Variants in USP45 observed in about 807,000 individuals in gnomAD.
The protein encoded by USP45 is ubiquitin specific peptidase 45.
Under a neutral mutation model 95.8 loss-of-function variants are expected in USP45, and 89 were observed. The ratio of observed to expected loss-of-function variants is 0.93; its 90% CI spans 0.78 to 1.11. The LOEUF (loss-of-function observed/expected upper bound fraction) is 1.11. Ranked by LOEUF, USP45 falls within the 50% of genes least tolerant of loss-of-function variation. USP45 has a pLI of 0.00. For synonymous variants in USP45, 281 were observed against 316.2 expected (o/e 0.89, Z 1.18); for missense variants, 898 against 942.5 (o/e 0.95, Z 0.62).
At position 99,476,227 on chromosome 6, in the gene USP45, T is replaced by C; in HGVS notation, c.849A>G (p.Ala283=). ...GTTGCTGGAAATCTTTAAATCGAGG[T>C]GCCCTGTGATTTAAAAACAAAAGAG... ...KVLFNQLCQK[A]PRFKDFQQQD... Residue 283 remains alanine, a synonymous_variant, in exon 9 of 18, where the codon GCA becomes GCG. Transcript: ENST00000500704. The C allele has an allele frequency of 6.2e-7, 1 of 1,613,544 alleles. No homozygotes were observed. The highest frequency in any genetic ancestry group is 1.3e-5 in the African/African-American group (1 of 74,992).
At chr6:99,458,436 C>A (rs1449974083) in intron 13 of USP45, among the ~76,000 whole-genome samples, 2 of 152,248 alleles carry the variant, frequency 1.3e-5, no homozygotes, top group Non-Finnish European at 2.9e-5. Flanking sequence ...GAAGGACAGA[C>A]TCAGTTCCTG....
intron 1 of USP45, among the ~76,000 whole-genome samples, chr6:99,511,312 T>G (rs1583496875): frequency 6.7e-6 from 1 of 150,098 alleles, no homozygotes; most frequent in East Asian, 2.0e-4. Context: ...CCACCAGGCT[T>G]GGCTAATTTT....
intron 13 of USP45, chr6:99,460,741 A>G: frequency 1.0e-6 from 1 of 976,620 alleles, no homozygotes; most frequent in Non-Finnish European, 1.2e-6. Context: ...CCATGTAAAT[A>G]AGAGGACTAT....
At chr6:99,514,952 GA>G (rs1800820467) in intron 1 of USP45, 1 of 152,198 alleles carries the variant, frequency 6.6e-6, no homozygotes, top group African/African-American at 2.4e-5. Flanking sequence ...GTAAGCGGTG[GA>G]TGGAGATGCG....
chr6:99,445,311 C>T (rs188447522), intron 14 of USP45, among the ~76,000 whole-genome samples: 282 of 152,026 alleles, frequency 1.9e-3, no homozygotes, highest in African/African-American at 6.6e-3. Flanking sequence ...GGTGAAACCC[C>T]ATCTCTACTA....
intron 13 of USP45, among the ~76,000 whole-genome samples, chr6:99,457,468 T>C (rs1028825388): frequency 6.6e-6 from 1 of 152,204 alleles, no homozygotes; most frequent in Non-Finnish European, 1.5e-5. Context: ...AAAGAACCTA[T>C]GTGAATATTG....
In USP45 at chr6:99,466,731, T is replaced by TG; in HGVS notation, c.1047dup (p.Ile350HisfsTer8). The TG allele has an allele frequency of 6.2e-7, 1 of 1,613,554 alleles. No individual in the cohort carries two copies. Among genetic ancestry groups the TG allele is most frequent in the Non-Finnish European group, 8.5e-7 (1 of 1,179,724 alleles). ...AATTCACCAATAAAGATCCGATCTA[T>TG]GAAGTTCATTTTCACACCTTCTTTT... On this transcript the variant is annotated frameshift_variant, in exon 11 of 18. Transcript: ENST00000500704. LOFTEE classifies it high-confidence loss of function.
chr6:99,451,296 A>G (rs1368434874), intron 13 of USP45, among the ~76,000 whole-genome samples: 5 of 152,138 alleles, frequency 3.3e-5, no homozygotes, highest in Non-Finnish European at 7.4e-5. Flanking sequence ...CATCATCTCA[A>G]CCCAAAATCT....
chr6:99,432,807 T>G lies in USP45; in HGVS notation c.*2909A>C, dbSNP rs1287097696. 6.6e-6 allele frequency: 1 copy of G among 152,650 alleles called. No homozygotes were observed. Among genetic ancestry groups the G allele is most frequent in the East Asian group, 1.9e-4 (1 of 5,202 alleles). 9.5% of individuals were successfully genotyped at this position (152,650 alleles called of 1,614,324 possible). A position where few individuals can be genotyped will look rare whatever the true frequency, so the allele number is the denominator to read the frequency against. ...GGATGTCATTTTGTACTACAAAAAT[T>G]AGATGAGGGTTGATACATTTCACAG... On this transcript the variant is annotated 3_prime_UTR_variant, in exon 18 of 18. Coordinates refer to ENST00000500704, the MANE Select transcript of USP45 (RefSeq NM_001346022.3).
At chr6:99,508,502 T>C in intron 3 of USP45, 108 bp downstream of exon 3, 1 of 1,113,524 alleles carries the variant, frequency 9.0e-7, no homozygotes, top group Non-Finnish European at 1.2e-6. Context: ...CTATCTAAAT[T>C]GGAATAAATT....
intron 5 of USP45, among the ~76,000 whole-genome samples, chr6:99,501,220 G>C (rs1306932696): frequency 7.0e-6 from 1 of 141,942 alleles, no homozygotes; most frequent in Non-Finnish European, 1.5e-5. Context: ...CCCTCTTCAT[G>C]ATCTCCCCAC....
intron 13 of USP45, among the ~76,000 whole-genome samples, chr6:99,460,405 T>TC (rs1786133602): frequency 6.6e-6 from 1 of 152,046 alleles, no homozygotes; most frequent in African/African-American, 2.4e-5. Context: ...TTCCCAAGAG[T>TC]AAATTGAGCC....
intron 13 of USP45, chr6:99,461,737 A>C (rs1786509407): frequency 2.0e-6 from 2 of 985,162 alleles, no homozygotes; most frequent in Non-Finnish European, 2.4e-6. Context: ...TGATCAAATC[A>C]GTACTTGTGC....
At chr6:99,470,585 T>C (rs1330391300) in intron 9 of USP45, among the ~76,000 whole-genome samples, 1 of 152,160 alleles carries the variant, frequency 6.6e-6, no homozygotes, top group Non-Finnish European at 1.5e-5. Context: ...TACACTTATA[T>C]ACTATAAAGA....
rs1337689451 is a variant in USP45 at position 99,433,163 on chromosome 6, ACTCTT to A, written c.*2548_*2552del. 1 of 152,006 alleles carries A rather than the reference ACTCTT, an allele frequency of 6.6e-6. No individual in the cohort carries two copies. The highest frequency in any genetic ancestry group is 2.4e-5 in the African/African-American group (1 of 41,036). 9.4% of individuals were successfully genotyped at this position (152,006 alleles called of 1,614,324 possible). On this transcript the variant is annotated 3_prime_UTR_variant, in exon 18 of 18. Transcript: ENST00000500704. The stretch of plus-strand genomic sequence containing the variant: ...GGCTAACAAATTGATACCAACTATC[ACTCTT>A]CTCAGCTACCTAAAAAGGTGGTCTT...
At chr6:99,475,980 A>G (rs1330366971) in intron 9 of USP45, among the ~76,000 whole-genome samples, 163 bp downstream of exon 9, 1 of 152,058 alleles carries the variant, frequency 6.6e-6, no homozygotes, top group Non-Finnish European at 1.5e-5. Context: ...ATGCACCACC[A>G]TGCGCGGCTA....
In USP45 at chr6:99,438,904, G is replaced by A. The variant is rs150368049; in HGVS notation, c.2160+865C>T. Among the ~76,000 whole-genome samples, 1,079 of 152,214 alleles carry A rather than the reference G, an allele frequency of 7.1e-3. 37 individuals carry two copies. Among genetic ancestry groups the A allele is most frequent in the Admixed American group, 0.045 (692 of 15,278 alleles). On this transcript the variant is annotated intron_variant, in intron 16 of 17. Transcript: ENST00000500704. ...CTTTTGTGTTTATTGGAAATTCTCC[G>A]TAATAGGTACTTTTTAAAAATATGT...
chr6:99,484,854 C>A (rs796109135), intron 7 of USP45, among the ~76,000 whole-genome samples: 26 of 65,452 alleles, frequency 4.0e-4, no homozygotes, highest in African/African-American at 1.4e-3. Context: ...AAAATAAAGT[C>A]TATTTTTTTT....
At chr6:99,510,813 A>G (rs1799612134) in intron 1 of USP45, among the ~76,000 whole-genome samples, 1 of 152,198 alleles carries the variant, frequency 6.6e-6, no homozygotes, top group East Asian at 1.9e-4. Flanking sequence ...CCCTAAATAT[A>G]TGATGTCCAG....
Sources: allele counts gnomAD v4.1 joint callset (sites outside exome capture counted in the v4.1 genomes callset), GRCh38; gene constraint gnomAD v4.1.1; transcripts MANE v1.5; gene names NCBI Gene and HGNC (gene_info 2026-07-23, HGNC 2026-07-21).